RBFOX1: variants seen among roughly 807,000 people sequenced by gnomAD.
RBFOX1 encodes RNA binding protein fox-1 homolog 1.
In RBFOX1, 8 loss-of-function variants were observed where a neutral mutation model predicts 57.7. That is an observed-to-expected ratio of 0.14 (90% CI 0.08 to 0.25). The LOEUF is 0.25. Ranked by LOEUF, RBFOX1 falls within the 10% of genes least tolerant of loss-of-function variation. The pLI, the probability that RBFOX1 is intolerant of heterozygous loss-of-function variation, is 1.00. For missense variants in RBFOX1, 611 were observed against 548.5 expected (o/e 1.11, Z -1.14); for synonymous variants, 326 against 222.4 (o/e 1.47, Z -4.15).
chr16:6,970,516 T>G (rs1568149020), intron 3 of RBFOX1, among the ~76,000 whole-genome samples: 1 of 152,096 alleles, frequency 6.6e-6, no homozygotes, highest in East Asian at 1.9e-4. Context: ...ATCAGAGACA[T>G]CAGTAGATTC....
chr16:6,877,220 A>G (rs1435708643), intron 3 of RBFOX1, among the ~76,000 whole-genome samples: 1 of 152,248 alleles, frequency 6.6e-6, no homozygotes, highest in Non-Finnish European at 1.5e-5. Context: ...CATTTTTAAT[A>G]CAGTCCATAT....
At chr16:6,004,771 C>T (rs989400315) in intron 4 of RBFOX1, among the ~76,000 whole-genome samples, 1 of 152,152 alleles carries the variant, frequency 6.6e-6, no homozygotes, top group Non-Finnish European at 1.5e-5. Context: ...CTTGGTGAAC[C>T]TCGGAGTACT....
intron 4 of RBFOX1, among the ~76,000 whole-genome samples, chr16:7,073,718 A>C (rs942194531): frequency 2.0e-5 from 3 of 152,132 alleles, no homozygotes; most frequent in African/African-American, 7.2e-5. Context: ...AAAAAATTAC[A>C]CAGGAACGGT....
At chr16:5,293,926 T>C (rs1203101270) in intron 1 of RBFOX1, among the ~76,000 whole-genome samples, 3 of 152,086 alleles carry the variant, frequency 2.0e-5, no homozygotes, top group Non-Finnish European at 4.4e-5. Flanking sequence ...GTTGTGTGAA[T>C]TTTGCCTCAG....
intron 4 of RBFOX1, among the ~76,000 whole-genome samples, chr16:5,955,493 T>A (rs1247377289): frequency 6.6e-6 from 1 of 152,100 alleles, no homozygotes; most frequent in Non-Finnish European, 1.5e-5. Context: ...ACATAGGACA[T>A]AACCTTCTGC....
At chr16:6,960,774 A>G (rs929716810) in intron 3 of RBFOX1, among the ~76,000 whole-genome samples, 1 of 151,964 alleles carries the variant, frequency 6.6e-6, no homozygotes, top group Non-Finnish European at 1.5e-5. Flanking sequence ...CTCTTCAATC[A>G]TCATATCCCT....
chr16:7,525,850 T>G (rs572536693), intron 5 of RBFOX1, among the ~76,000 whole-genome samples: 4 of 152,166 alleles, frequency 2.6e-5, no homozygotes, highest in Non-Finnish European at 5.9e-5. Context: ...ATGTTTTGAG[T>G]TGGGAATGGT....
At position 5,270,329 on chromosome 16, in the gene RBFOX1, C is replaced by T. The variant is rs182007474; in HGVS notation, c.219+30224C>T. ...TTGGAAAGACTTGGTCACCAGGACCCGAGGAACCCAAATTGCATCTGATGG... is the reference window on the plus strand; with the variant it reads ...TTGGAAAGACTTGGTCACCAGGACCTGAGGAACCCAAATTGCATCTGATGG... On this transcript the variant is annotated intron_variant, in intron 1 of 2. Coordinates refer to the RBFOX1 transcript ENST00000585867. 1.7e-4 allele frequency: 132 copies of T among 772,694 alleles called. No individual in the cohort carries two copies. The African/African-American group carries it at 1.8e-3, about 11-fold the overall frequency. 47.9% of individuals were successfully genotyped at this position (772,694 alleles called of 1,614,324 possible). A position where few individuals can be genotyped will look rare whatever the true frequency, so the allele number is the denominator to read the frequency against.
chr16:6,001,086 TTAAAA>T (rs2060591741), intron 4 of RBFOX1, among the ~76,000 whole-genome samples: 1 of 152,098 alleles, frequency 6.6e-6, no homozygotes, highest in African/African-American at 2.4e-5. Context: ...GATATTTAAA[TTAAAA>T]TTAATTAAAA....
intron 12 of RBFOX1, among the ~76,000 whole-genome samples, chr16:7,657,903 C>G (rs879987): frequency 1.3e-5 from 2 of 152,202 alleles, no homozygotes; most frequent in Admixed American, 6.5e-5. Context: ...GTCTACATAG[C>G]CTATGGAATT....
chr16:6,566,565 C>T (rs774054563), intron 2 of RBFOX1, among the ~76,000 whole-genome samples: 3 of 152,094 alleles, frequency 2.0e-5, no homozygotes, highest in Non-Finnish European at 2.9e-5. Context: ...TTTGTCGAGA[C>T]CTTTGTTTGC....
chr16:5,660,565 C>T (rs556917369), intron 3 of RBFOX1, among the ~76,000 whole-genome samples: 2 of 152,314 alleles, frequency 1.3e-5, no homozygotes, highest in South Asian at 4.1e-4. Context: ...GTGTTCTCAT[C>T]ATCTCTTGGG....
intron 3 of RBFOX1, among the ~76,000 whole-genome samples, chr16:5,709,320 A>G (rs2051366771): frequency 1.3e-5 from 2 of 152,192 alleles, no homozygotes; most frequent in African/African-American, 4.8e-5. Flanking sequence ...TATTTTGGGA[A>G]GAGTAAGGAA....
chr16:7,006,772 AC>A (rs2093328630), intron 3 of RBFOX1, among the ~76,000 whole-genome samples: 1 of 152,074 alleles, frequency 6.6e-6, no homozygotes, highest in African/African-American at 2.4e-5. Context: ...GAAAAAGTAA[AC>A]CCTATGCAGA....
chr16:5,801,534 G>C (rs1325926688), intron 3 of RBFOX1, among the ~76,000 whole-genome samples: 1 of 152,156 alleles, frequency 6.6e-6, no homozygotes, highest in East Asian at 1.9e-4. Context: ...TCTCGACACA[G>C]GCGCGGGAGC....
At chr16:6,951,502 C>T (rs2080755073) in intron 3 of RBFOX1, among the ~76,000 whole-genome samples, 1 of 152,102 alleles carries the variant, frequency 6.6e-6, no homozygotes, top group African/African-American at 2.4e-5. Flanking sequence ...TGGTTTTTTA[C>T]TCATAAGTCT....
chr16:5,389,884 G>A (rs1159147790), intron 1 of RBFOX1, among the ~76,000 whole-genome samples: 2 of 151,952 alleles, frequency 1.3e-5, no homozygotes, highest in Admixed American at 6.6e-5. Flanking sequence ...TTTTGGTAGA[G>A]ATGGAGCTTC....
chr16:6,921,023 A>C (rs1174538003), intron 3 of RBFOX1, among the ~76,000 whole-genome samples: 2 of 152,138 alleles, frequency 1.3e-5, no homozygotes, highest in Non-Finnish European at 2.9e-5. Flanking sequence ...ACAGTATCTC[A>C]AGTGGTTGTG....
chr16:6,997,276 A>G (rs973184578), intron 3 of RBFOX1, among the ~76,000 whole-genome samples: 4 of 152,162 alleles, frequency 2.6e-5, no homozygotes, highest in African/African-American at 9.6e-5. Context: ...CTAGTAAAAA[A>G]AAGTCTGCCA....
Sources: allele counts gnomAD v4.1 joint callset (sites outside exome capture counted in the v4.1 genomes callset), GRCh38; gene constraint gnomAD v4.1.1; transcripts MANE v1.5; gene names NCBI Gene and HGNC (gene_info 2026-07-23, HGNC 2026-07-21).